FRMPD2: variants seen among roughly 807,000 people sequenced by gnomAD.
FRMPD2 encodes FERM and PDZ domain-containing protein 2.
FRMPD2 carries 96 observed loss-of-function variants against 140.1 expected under a neutral mutation model. The ratio of observed to expected loss-of-function variants is 0.69; its 90% CI spans 0.58 to 0.81. The LOEUF (loss-of-function observed/expected upper bound fraction) is 0.81. Among genes scored for constraint, FRMPD2 ranks in the 40% least tolerant of loss-of-function variants. The pLI, the probability that FRMPD2 is intolerant of heterozygous loss-of-function variation, is 0.00. For synonymous variants in FRMPD2, 449 were observed against 547.6 expected (o/e 0.82, Z 2.52); for missense variants, 1,240 against 1,447.4 (o/e 0.86, Z 2.32).
At chr10:48,189,733 C>T (rs1838785019) in intron 16 of FRMPD2, among the ~76,000 whole-genome samples, 2 of 152,332 alleles carry the variant, frequency 1.3e-5, no homozygotes, top group Admixed American at 6.5e-5. Flanking sequence ...TTCTCTTCCT[C>T]TCACGGTGCC....
Position 48,159,871 on chromosome 10 carries a change from G to A in FRMPD2, c.3882-2501C>T, listed in dbSNP as rs1412476682. On this transcript the variant is annotated intron_variant, in intron 28 of 28. Coordinates refer to ENST00000374201, the MANE Select transcript of FRMPD2 (RefSeq NM_001018071.4). ...TAAGTGTAAGCCTTGAAGTGCACAT[G>A]AGTGGGAGAACTAAATCTTTCATCC... Among the ~76,000 whole-genome samples the A allele has an allele frequency of 5.9e-5, 9 of 151,610 alleles. 1 individual carries two copies. The highest frequency in any genetic ancestry group is 1.0e-4 in the Non-Finnish European group (7 of 67,902).
chr10:48,176,948 C>T (rs1554792243), intron 22 of FRMPD2, among the ~76,000 whole-genome samples: 1 of 152,106 alleles, frequency 6.6e-6, no homozygotes, highest in Non-Finnish European at 1.5e-5. Flanking sequence ...AGAATGCCCT[C>T]CATTCACATA....
intron 21 of FRMPD2, among the ~76,000 whole-genome samples, chr10:48,178,493 A>C (rs1198991708): frequency 4.6e-5 from 7 of 152,196 alleles, no homozygotes; most frequent in African/African-American, 1.4e-4. Context: ...GAATGTTAGA[A>C]AATTCTAACG....
chr10:48,240,583 A>G, intron 5 of FRMPD2, 91 bp from the exon 6 acceptor site: 1 of 1,548,034 alleles, frequency 6.5e-7, no homozygotes, highest in Non-Finnish European at 8.8e-7. Flanking sequence ...GACTGAATCA[A>G]TGTGGAATTG....
At chr10:48,185,826 A>G (rs1438088373) in intron 17 of FRMPD2, among the ~76,000 whole-genome samples, 181 bp from the exon 18 acceptor site, 1 of 152,212 alleles carries the variant, frequency 6.6e-6, no homozygotes, top group African/African-American at 2.4e-5. Flanking sequence ...ACACCTGAAC[A>G]CACACTCACA....
At chr10:48,265,054 A>G (rs926681307) in intron 1 of FRMPD2, among the ~76,000 whole-genome samples, 8 of 152,238 alleles carry the variant, frequency 5.3e-5, no homozygotes, top group Non-Finnish European at 1.5e-5. Context: ...CCCAGAAATA[A>G]GGCCACACAC....
At chr10:48,274,829 G>A (rs907091616), upstream of FRMPD2, 3 of 489,968 alleles carry the variant, frequency 6.1e-6, no homozygotes, top group East Asian at 3.4e-5. Flanking sequence ...AGCAGCCTGC[G>A]TCCTCAAAGC....
Position 48,206,795 on chromosome 10 carries a change from C to T in FRMPD2, c.1750G>A (p.Ala584Thr), listed in dbSNP as rs1839210558. The change falls in exon 14 of 29, where the codon GCA (alanine) becomes ACA (threonine). Residue 584 changes from alanine to threonine, a missense_variant. Around this residue, in one of 6 missense-constraint regions of FRMPD2, gnomAD observed 1,161 missense variants for 1,055.9 expected, o/e 1.10. Transcript: ENST00000374201. Reference protein sequence around the residue: ...VYEVKNNSRIAMLRFQWRETG... With the variant: ...VYEVKNNSRITMLRFQWRETG... ...TCTCTCCACTGAAACCGTAACATTG[C>T]AATTCTGCTGTTGTTTTTCACTTCA... The T allele has an allele frequency of 1.9e-6, 3 of 1,614,070 alleles. No homozygotes were observed. The highest frequency in any genetic ancestry group is 2.7e-5 in the African/African-American group (2 of 75,038).
intron 12 of FRMPD2, among the ~76,000 whole-genome samples, chr10:48,213,936 G>A (rs1037931313): frequency 2.6e-5 from 4 of 152,154 alleles, no homozygotes; most frequent in Admixed American, 1.3e-4. Context: ...ATCAGAGACC[G>A]GGAGCCAGGA....
intron 20 of FRMPD2, among the ~76,000 whole-genome samples, 156 bp downstream of exon 20, chr10:48,184,406 TATTA>T (rs2131836717): frequency 6.6e-6 from 1 of 152,244 alleles, no homozygotes; most frequent in African/African-American, 2.4e-5. Context: ...TTGCAAAGCT[TATTA>T]ATTTGTGCCA....
At chr10:48,239,020 C>T (rs1048773090) in intron 7 of FRMPD2, among the ~76,000 whole-genome samples, 1 of 152,202 alleles carries the variant, frequency 6.6e-6, no homozygotes, top group Admixed American at 6.5e-5. Context: ...GTCTCTCTCT[C>T]TCTCTCTCAG....
chr10:48,266,188 G>A (rs1257416708), intron 1 of FRMPD2, among the ~76,000 whole-genome samples: 2 of 152,118 alleles, frequency 1.3e-5, no homozygotes, highest in South Asian at 4.1e-4. Flanking sequence ...ACACAAAGTG[G>A]GAAACAACAG....
At chr10:48,167,518 C>T (rs1182426916) in intron 27 of FRMPD2, among the ~76,000 whole-genome samples, 1 of 104,210 alleles carries the variant, frequency 9.6e-6, no homozygotes, top group African/African-American at 3.7e-5. Flanking sequence ...CCAGAATCAG[C>T]TGAGGCCCTG....
chr10:48,238,372 C>T (rs573353111), intron 7 of FRMPD2, among the ~76,000 whole-genome samples: 4 of 152,196 alleles, frequency 2.6e-5, no homozygotes, highest in African/African-American at 9.7e-5. Context: ...TTCTCCACCC[C>T]ATGGCTTTAC....
In FRMPD2 at chr10:48,201,350, C is replaced by T; in HGVS notation, c.1832G>A (p.Gly611Glu). The T allele has an allele frequency of 6.2e-7, 1 of 1,613,736 alleles. No homozygotes were observed. Among genetic ancestry groups the T allele is most frequent in the Non-Finnish European group, 8.5e-7 (1 of 1,179,772 alleles). The stretch of plus-strand genomic sequence containing the variant: ...ATCTGTGACAAATGTGTGCTTCTTC[C>T]CAGTGACACTGCTTGTGATGGTGAA... ...KKFTITSSVT[G>E]KKHTFVTDSA... is the part of the protein sequence containing the mutation. The change falls in exon 15 of 29, where the codon GGG (glycine) becomes GAG (glutamate). Residue 611 changes from glycine (G) to glutamate (E), a missense_variant. This residue lies in a region of FRMPD2 where 1,161 missense variants were observed against 1,055.9 expected (regional missense o/e 1.10). Transcript: ENST00000374201.
At chr10:48,259,547 A>G (rs1840542786) in intron 1 of FRMPD2, among the ~76,000 whole-genome samples, 1 of 152,170 alleles carries the variant, frequency 6.6e-6, no homozygotes, top group South Asian at 2.1e-4. Flanking sequence ...ACGATTTCAC[A>G]TGATGTTTGA....
chr10:48,205,038 C>T (rs1839174201), intron 14 of FRMPD2, among the ~76,000 whole-genome samples: 1 of 152,168 alleles, frequency 6.6e-6, no homozygotes, highest in African/African-American at 2.4e-5. Flanking sequence ...TATTAAAAAG[C>T]AAAATTGAAA....
At chr10:48,271,215 C>T (rs1588864814) in intron 1 of FRMPD2, among the ~76,000 whole-genome samples, 1 of 152,180 alleles carries the variant, frequency 6.6e-6, no homozygotes, top group Admixed American at 6.5e-5. Flanking sequence ...TCCTGTCCTT[C>T]TGCAGGCTCT....
At chr10:48,163,754 A>G in intron 27 of FRMPD2, 83 bp from the exon 28 acceptor site, 1 of 645,972 alleles carries the variant, frequency 1.5e-6, no homozygotes, top group Non-Finnish European at 2.8e-6. Context: ...CCCCCATGTG[A>G]TTATAGATCA....
Sources: gnomAD v4.1 joint callset for allele counts (sites outside exome capture counted in the v4.1 genomes callset) on GRCh38, gnomAD v4.1.1 for gene constraint, gnomAD v4.1.1 regional missense constraint, MANE v1.5 for transcripts, NCBI Gene and HGNC (gene_info 2026-07-23, HGNC 2026-07-21) for gene names.